RIN2: variants seen among roughly 807,000 people sequenced by gnomAD.
RIN2 encodes the protein RAB5 interacting protein 2.
A neutral mutation model predicts 78.0 loss-of-function variants in RIN2; 36 were observed. The observed-to-expected ratio is 0.46, with a 90% CI of 0.35 to 0.61. The LOEUF (loss-of-function observed/expected upper bound fraction) is 0.61, where lower values mean the gene tolerates loss of function less well. Among genes scored for constraint, RIN2 ranks in the 20% least tolerant of loss-of-function variants. RIN2 has a pLI of 0.00. For missense variants in RIN2, 1,087 were observed against 1,159.7 expected (o/e 0.94, Z 0.91); for synonymous variants, 466 against 466.8 (o/e 1.00, Z 0.02).
intron 2 of RIN2, among the ~76,000 whole-genome samples, chr20:19,842,295 T>A (rs942372030): frequency 6.0e-5 from 9 of 150,226 alleles, no homozygotes; most frequent in African/African-American, 2.2e-4. Flanking sequence ...CGATCTTGGC[T>A]CACTGCAACC....
intron 1 of RIN2, among the ~76,000 whole-genome samples, chr20:19,798,240 T>A (rs1330963410): frequency 2.6e-5 from 4 of 152,250 alleles, no homozygotes; most frequent in African/African-American, 9.6e-5. Flanking sequence ...CCAGGTTAAG[T>A]AATTTACCTG....
chr20:19,890,091 C>T (rs2038380417), intron 3 of RIN2, among the ~76,000 whole-genome samples: 1 of 150,406 alleles, frequency 6.6e-6, no homozygotes, highest in Non-Finnish European at 1.5e-5. Context: ...CAAAAAACAG[C>T]TTCCTGGACC....
At chr20:19,949,834 A>G (rs1052058465) in intron 4 of RIN2, among the ~76,000 whole-genome samples, 9 of 152,224 alleles carry the variant, frequency 5.9e-5, no homozygotes, top group Non-Finnish European at 1.3e-4. Flanking sequence ...AAGAAAAGGC[A>G]TGCATCGTTT....
At chr20:19,949,159 G>A (rs541581431) in intron 4 of RIN2, among the ~76,000 whole-genome samples, 2 of 152,296 alleles carry the variant, frequency 1.3e-5, no homozygotes, top group South Asian at 4.2e-4. Flanking sequence ...GTGTGTGCCT[G>A]TAATCCCAGC....
At chr20:19,792,354 TGA>T (rs2034914456) in intron 1 of RIN2, among the ~76,000 whole-genome samples, 2 of 152,182 alleles carry the variant, frequency 1.3e-5, no homozygotes, top group African/African-American at 4.8e-5. Flanking sequence ...AACCAAATAT[TGA>T]CTGAGGCCTC....
In RIN2 at chr20:19,886,252, G is replaced by A. The variant is rs137860038; in HGVS notation, c.-36-3314G>A. 1.7e-3 allele frequency among the ~76,000 whole-genome samples: 261 copies of A among 152,350 alleles called. 1 individual carries two copies. The highest frequency in any genetic ancestry group is 5.9e-3 in the African/African-American group (246 of 41,586). On this transcript the variant is annotated intron_variant, in intron 2 of 12. Coordinates refer to ENST00000255006, the MANE Select transcript of RIN2 (RefSeq NM_018993.4). ...CAGCTCCTGGCCTCAGTGGCTGTCA[G>A]TAGAATGGGTTGGGGAGCCAGCCTC...
chr20:19,767,784 G>A (rs2033950081), intron 1 of RIN2, among the ~76,000 whole-genome samples: 2 of 151,946 alleles, frequency 1.3e-5, no homozygotes, highest in Admixed American at 6.6e-5. Context: ...AATTAGCTGG[G>A]CGTGGTGGCA....
chr20:19,819,578 G>A (rs779406886), intron 2 of RIN2, among the ~76,000 whole-genome samples: 14 of 152,134 alleles, frequency 9.2e-5, no homozygotes, highest in Middle Eastern at 3.2e-3. Flanking sequence ...AGGTCTCACC[G>A]AGGCTAGAGT....
chr20:19,960,696 C>T lies in RIN2; in HGVS notation c.352-4C>T, dbSNP rs777728651. On this transcript the variant is annotated splice_region_variant and splice_polypyrimidine_tract_variant and intron_variant, in intron 5 of 12. Coordinates refer to ENST00000255006, the MANE Select transcript of RIN2 (RefSeq NM_018993.4). Reference sequence around the variant, plus strand: ...AAAGCTTGTATTTCTTTTCCCTCCACTAGATCTTCCTGGTTCATAAATCTA... The same window carrying T: ...AAAGCTTGTATTTCTTTTCCCTCCATTAGATCTTCCTGGTTCATAAATCTA... The T allele has an allele frequency of 1.3e-5, 20 of 1,575,934 alleles. No individual in the cohort carries two copies. Among genetic ancestry groups the T allele is most frequent in the Admixed American group, 3.6e-5 (2 of 55,544 alleles).
chr20:19,834,500 A>T (rs1317788744), intron 2 of RIN2, among the ~76,000 whole-genome samples: 3 of 152,114 alleles, frequency 2.0e-5, no homozygotes, highest in African/African-American at 4.8e-5. Context: ...ACCCAGTGCG[A>T]CGCTCTGGTT....
chr20:19,782,056 A>C (rs752559643), intron 1 of RIN2, among the ~76,000 whole-genome samples: 17 of 152,070 alleles, frequency 1.1e-4, no homozygotes, highest in Non-Finnish European at 2.4e-4. Flanking sequence ...AAGACAGTTA[A>C]CCCTTCCTTA....
At chr20:19,876,929 C>CA (rs908857396) in intron 2 of RIN2, among the ~76,000 whole-genome samples, 3 of 150,142 alleles carry the variant, frequency 2.0e-5, no homozygotes, top group East Asian at 3.9e-4. Context: ...AACAAACAAA[C>CA]AAAAAAAACA....
At chr20:19,831,705 A>G (rs972842289) in intron 2 of RIN2, among the ~76,000 whole-genome samples, 2 of 152,240 alleles carry the variant, frequency 1.3e-5, no homozygotes, top group Admixed American at 1.3e-4. Context: ...TTCGTTGAGC[A>G]GGTACAATGA....
intron 4 of RIN2, among the ~76,000 whole-genome samples, chr20:19,942,505 C>A (rs1370680964): frequency 5.9e-5 from 9 of 152,110 alleles, no homozygotes; most frequent in Non-Finnish European, 1.2e-4. Context: ...GTGGAAAAAG[C>A]ACAATGCAGA....
chr20:19,859,601 GA>G, intron 2 of RIN2, among the ~76,000 whole-genome samples: 1 of 152,098 alleles, frequency 6.6e-6, no homozygotes, highest in Non-Finnish European at 1.5e-5. Flanking sequence ...CTTCCATGAA[GA>G]TCCCATCTAT....
intron 2 of RIN2, among the ~76,000 whole-genome samples, chr20:19,833,283 T>TTA (rs1031106258): frequency 3.3e-4 from 50 of 151,028 alleles, no homozygotes; most frequent in Middle Eastern, 6.8e-3. Context: ...TAGATATAGG[T>TTA]TATATATATA....
intron 1 of RIN2, among the ~76,000 whole-genome samples, chr20:19,764,618 C>G (rs1568730780): frequency 6.6e-6 from 1 of 152,178 alleles, no homozygotes; most frequent in Non-Finnish European, 1.5e-5. Context: ...AATGTTTGTG[C>G]TTTTTCTTAA....
At chr20:19,961,283 T>A (rs925406228) in intron 6 of RIN2, among the ~76,000 whole-genome samples, 4 of 152,218 alleles carry the variant, frequency 2.6e-5, no homozygotes, top group Non-Finnish European at 5.9e-5. Context: ...CAGTCTTCTA[T>A]GAAATGCAGC....
chr20:19,868,297 C>T (rs1032972092), intron 2 of RIN2, among the ~76,000 whole-genome samples: 4 of 152,352 alleles, frequency 2.6e-5, no homozygotes, highest in Admixed American at 6.5e-5. Context: ...TTGGGACATA[C>T]GCGCTTTCCA....
Sources: allele counts gnomAD v4.1 joint callset (sites outside exome capture counted in the v4.1 genomes callset), GRCh38; gene constraint gnomAD v4.1.1; transcripts MANE v1.5; gene names NCBI Gene and HGNC (gene_info 2026-07-23, HGNC 2026-07-21).